Variants in ITGB5 observed in about 807,000 individuals in gnomAD.
ITGB5 encodes the protein integrin beta-5.
ITGB5 carries 38 observed loss-of-function variants against 84.8 expected under a neutral mutation model. The ratio of observed to expected loss-of-function variants is 0.45; its 90% CI spans 0.35 to 0.59. The LOEUF (loss-of-function observed/expected upper bound fraction) is 0.59, where lower values mean the gene tolerates loss of function less well. Among genes scored for constraint, ITGB5 ranks in the 20% least tolerant of loss-of-function variants. The probability of loss-of-function intolerance (pLI) is 0.01; values close to 1 mark genes in which losing one functional copy is unlikely to be tolerated. For synonymous variants in ITGB5, 393 were observed against 414.4 expected, an observed-to-expected ratio of 0.95 and a Z score of 0.63; for missense variants, 905 against 1,034.5, an observed-to-expected ratio of 0.87 and a Z score of 1.72.
chr3:124,848,504 T>A lies in ITGB5; in HGVS notation c.416A>T (p.Asp139Val), dbSNP rs1329155573. 1.2e-6 allele frequency: 2 copies of A among 1,614,064 alleles called. No homozygotes were observed. Among genetic ancestry groups the A allele is most frequent in the Non-Finnish European group, 1.7e-6 (2 of 1,179,992 alleles). ...QVRQVEDYPVDLYYLMDLSLS... is the reference protein window; with the variant it reads ...QVRQVEDYPVVLYYLMDLSLS... ...GGAGAGGTCCATCAGGTAGTACAGG[T>A]CCACAGGATAGTCCTCCACCTGGCG... The change falls in exon 4 of 15, where the codon GAC (aspartate) becomes GTC (valine). Residue 139 changes from aspartate to valine, a missense_variant. By Grantham distance (152) the Asp-to-Val change is radical. This residue lies in a region of ITGB5 where 656 missense variants were observed against 734.7 expected (regional missense o/e 0.89). Transcript: ENST00000296181.
At chr3:124,888,482 G>T (rs1422093912), upstream of ITGB5, among the ~76,000 whole-genome samples, 7 of 152,154 alleles carry the variant, frequency 4.6e-5, no homozygotes, top group Non-Finnish European at 1.5e-5. Flanking sequence ...AGAGTGGAGT[G>T]GTTGATAGGC....
chr3:124,798,094 C>T (rs1159168329), intron 9 of ITGB5, among the ~76,000 whole-genome samples: 1 of 120,280 alleles, frequency 8.3e-6, no homozygotes, highest in Admixed American at 1.1e-4. Context: ...CGCTCTGTTG[C>T]CAGGCTGGAG....
At chr3:124,825,987 A>G (rs866348561) in intron 5 of ITGB5, among the ~76,000 whole-genome samples, 12 of 152,246 alleles carry the variant, frequency 7.9e-5, no homozygotes, top group African/African-American at 2.9e-4. Flanking sequence ...GAAATTATTC[A>G]TAGAAAGGAT....
chr3:124,898,168 T>G (rs1466191594), intron 1 of ITGB5, among the ~76,000 whole-genome samples: 1 of 151,458 alleles, frequency 6.6e-6, no homozygotes, highest in Non-Finnish European at 1.5e-5. Flanking sequence ...ATTAGAATAT[T>G]CAGGTGAGGT....
upstream of ITGB5, among the ~76,000 whole-genome samples, chr3:124,890,200 C>CTT (rs138123708): frequency 6.4e-5 from 6 of 93,210 alleles, no homozygotes; most frequent in East Asian, 3.4e-4. Context: ...ACTTATCTAG[C>CTT]TTTTTTTTTT....
At position 124,847,649 on chromosome 3, in the gene ITGB5, C is replaced by G. The variant is rs138556068; in HGVS notation, c.611+660G>C. Among the ~76,000 whole-genome samples the G allele has an allele frequency of 6.3e-4, 96 of 152,272 alleles. 3 individuals are homozygous for G. In the East Asian group the frequency reaches 0.018, roughly 29 times the overall value. On this transcript the variant is annotated intron_variant, in intron 4 of 14. Coordinates refer to ENST00000296181, the MANE Select transcript of ITGB5 (RefSeq NM_002213.5). Reference sequence around the variant, plus strand: ...ATGGAAAGCACCTGAGTCCCTGAGTCACTGCTTGCAGGAGAAGTTCCATGG... The same window carrying G: ...ATGGAAAGCACCTGAGTCCCTGAGTGACTGCTTGCAGGAGAAGTTCCATGG...
At chr3:124,850,615 G>A (rs975486813) in intron 3 of ITGB5, among the ~76,000 whole-genome samples, 1 of 151,538 alleles carries the variant, frequency 6.6e-6, no homozygotes, top group African/African-American at 2.4e-5. Context: ...AGTGGGTGCA[G>A]CGCACCAGCA....
chr3:124,819,354 A>G (rs2064661703), intron 7 of ITGB5, among the ~76,000 whole-genome samples: 1 of 152,228 alleles, frequency 6.6e-6, no homozygotes, highest in South Asian at 2.1e-4. Context: ...AGGCTCAGGC[A>G]TAAAGCTCTG....
At chr3:124,816,039 A>G (rs560501342) in intron 8 of ITGB5, among the ~76,000 whole-genome samples, 1 of 152,266 alleles carries the variant, frequency 6.6e-6, no homozygotes, top group African/African-American at 2.4e-5. Flanking sequence ...GTTTCTCACA[A>G]TAGGAAGTTC....
At chr3:124,897,548 G>C (rs573544419) in intron 1 of ITGB5, among the ~76,000 whole-genome samples, 1 of 152,188 alleles carries the variant, frequency 6.6e-6, no homozygotes, top group African/African-American at 2.4e-5. Context: ...TTGGCTAGGC[G>C]TAGTGGCTCA....
Position 124,796,303 on chromosome 3 carries a change from A to G in ITGB5, c.1693+85T>C, listed in dbSNP as rs568166640. 2.1e-4 allele frequency: 260 copies of G among 1,242,316 alleles called. 2 individuals carry two copies. In the African/African-American group the frequency reaches 3.4e-3, roughly 16 times the overall value. The allele number at this position is 1,242,316 out of a possible 1,614,324, so 77.0% of individuals were successfully genotyped here. On this transcript the variant is annotated intron_variant, in intron 10 of 14. Coordinates refer to ENST00000296181, the MANE Select transcript of ITGB5 (RefSeq NM_002213.5). Reference sequence around the variant, plus strand: ...CATGGTAGTGACACTTTCTACCACCACTGAGTAAAAGGCAGGCTTTGGGAG... The same window carrying G: ...CATGGTAGTGACACTTTCTACCACCGCTGAGTAAAAGGCAGGCTTTGGGAG...
chr3:124,819,544 A>T (rs2064664834), intron 7 of ITGB5, among the ~76,000 whole-genome samples, 195 bp downstream of exon 7: 1 of 152,210 alleles, frequency 6.6e-6, no homozygotes, highest in Non-Finnish European at 1.5e-5. Context: ...ATTAGATACT[A>T]TATGTTCAAA....
At chr3:124,774,039 C>CTGTT (rs1235858735) in intron 10 of ITGB5, 127 bp from the exon 11 acceptor site, 59 of 832,484 alleles carry the variant, frequency 7.1e-5, no homozygotes, top group Non-Finnish European at 1.1e-4. Flanking sequence ...CCCTCAGAGC[C>CTGTT]TGTTTGGGGA....
At chr3:124,805,031 GCCCTGCCCTGCCCTGCCCTCCCT>G (rs1357809817) in intron 9 of ITGB5, among the ~76,000 whole-genome samples, 4 of 134,650 alleles carry the variant, frequency 3.0e-5, no homozygotes, top group Non-Finnish European at 6.2e-5. Flanking sequence ...CCTTTCTTTT[GCCCTGCCCTGCCCTGCCCTCCCT>G]CCCTGCCCTG....
At chr3:124,867,719 T>G (rs1266888163) in intron 2 of ITGB5, among the ~76,000 whole-genome samples, 1 of 152,198 alleles carries the variant, frequency 6.6e-6, no homozygotes, top group East Asian at 1.9e-4. Flanking sequence ...TAGGCCCTGC[T>G]TGAAAGCATC....
Position 124,875,972 on chromosome 3 carries a change from G to T in ITGB5, c.71-2441C>A, listed in dbSNP as rs372835833. 9.2e-5 allele frequency among the ~76,000 whole-genome samples: 14 copies of T among 152,300 alleles called. No individual in the cohort carries two copies. The East Asian group carries it at 2.3e-3, about 25-fold the overall frequency. ...CAGAAATACGGAGAGTAAAATGGTG[G>T]TTGCCATGGCTGGTGGGGTTGAGGT... is the stretch of plus-strand genomic sequence containing the variant. On this transcript the variant is annotated intron_variant, in intron 1 of 14. Transcript: ENST00000296181.
At chr3:124,821,287 G>A in intron 6 of ITGB5, 26 bp downstream of exon 6, 1 of 1,598,418 alleles carries the variant, frequency 6.3e-7, no homozygotes, top group Non-Finnish European at 8.5e-7. Flanking sequence ...GCAACAGGGA[G>A]GGGGGATCTG....
chr3:124,821,042 C>T lies in ITGB5; in HGVS notation c.942+271G>A, dbSNP rs970787427. ...TCTATCCTGTTTCCCCTGGGCCACC[C>T]GTATCCCAACCAAACACTTCCCATT... On this transcript the variant is annotated intron_variant, in intron 6 of 14. Transcript: ENST00000296181. Among the ~76,000 whole-genome samples, 9 of 152,184 alleles carry T rather than the reference C, an allele frequency of 5.9e-5. No individual in the cohort carries two copies. Among genetic ancestry groups the T allele is most frequent in the Non-Finnish European group, 8.8e-5 (6 of 68,036 alleles).
intron 10 of ITGB5, among the ~76,000 whole-genome samples, chr3:124,776,940 C>A (rs749996591): frequency 1.3e-5 from 2 of 152,164 alleles, no homozygotes; most frequent in African/African-American, 4.8e-5. Context: ...TGTGAAAAGG[C>A]CTGTTCGCTG....
Sources: allele counts gnomAD v4.1 joint callset (sites outside exome capture counted in the v4.1 genomes callset), GRCh38; gene constraint gnomAD v4.1.1; regional missense constraint gnomAD v4.1.1; transcripts MANE v1.5; gene names NCBI Gene and HGNC (gene_info 2026-07-23, HGNC 2026-07-21).